Variants in NKAIN2 observed in about 807,000 individuals in gnomAD.
NKAIN2 encodes sodium/potassium transporting ATPase interacting 2.
NKAIN2 carries 14 observed loss-of-function variants against 32.6 expected under a neutral mutation model. The observed-to-expected ratio is 0.43, with a 90% CI of 0.28 to 0.67. The LOEUF (loss-of-function observed/expected upper bound fraction) is 0.67. Ranked by LOEUF, NKAIN2 falls within the 30% of genes least tolerant of loss-of-function variation. NKAIN2 has a pLI of 0.17. For missense variants in NKAIN2, 198 were observed against 258.3 expected (o/e 0.77, Z 1.60); for synonymous variants, 80 against 87.2 (o/e 0.92, Z 0.46).
chr6:124,099,579 CT>C (rs1264946479), intron 1 of NKAIN2, among the ~76,000 whole-genome samples: 4 of 152,072 alleles, frequency 2.6e-5, no homozygotes, highest in Non-Finnish European at 5.9e-5. Flanking sequence ...CAATAAATGG[CT>C]GTATTAAAGA....
chr6:124,667,487 A>G (rs1274434787), intron 4 of NKAIN2, among the ~76,000 whole-genome samples: 1 of 152,154 alleles, frequency 6.6e-6, no homozygotes, highest in Non-Finnish European at 1.5e-5. Context: ...ATTAAAATAC[A>G]GTATTTTTTG....
chr6:124,537,690 T>C (rs1779767514), intron 3 of NKAIN2, among the ~76,000 whole-genome samples: 1 of 152,146 alleles, frequency 6.6e-6, no homozygotes, highest in Non-Finnish European at 1.5e-5. Flanking sequence ...GGATTCTGCT[T>C]CCCTTTCATG....
intron 3 of NKAIN2, among the ~76,000 whole-genome samples, chr6:124,518,318 G>A (rs951020585): frequency 4.6e-5 from 7 of 150,656 alleles, no homozygotes; most frequent in Non-Finnish European, 8.9e-5. Flanking sequence ...GATAGAAAAG[G>A]AAAGCAAAAG....
chr6:123,944,507 T>C (rs1168360375), intron 1 of NKAIN2, among the ~76,000 whole-genome samples: 4 of 152,114 alleles, frequency 2.6e-5, no homozygotes, highest in African/African-American at 9.6e-5. Flanking sequence ...AATCATGTGC[T>C]CGTGTTTGGA....
chr6:124,775,753 G>A (rs1051663319), intron 4 of NKAIN2, among the ~76,000 whole-genome samples: 1 of 152,174 alleles, frequency 6.6e-6, no homozygotes, highest in Non-Finnish European at 1.5e-5. Context: ...TGATAACACT[G>A]CAAGGAGCTA....
intron 3 of NKAIN2, among the ~76,000 whole-genome samples, chr6:124,444,520 A>G (rs1197979521): frequency 1.3e-5 from 2 of 152,040 alleles, no homozygotes; most frequent in African/African-American, 2.4e-5. Context: ...CATTTTAGAG[A>G]AATAGGAGTA....
intron 3 of NKAIN2, among the ~76,000 whole-genome samples, chr6:124,453,929 T>G (rs1282705168): frequency 6.6e-6 from 1 of 152,040 alleles, no homozygotes; most frequent in Non-Finnish European, 1.5e-5. Flanking sequence ...AACGTATTGG[T>G]AATAAACTGA....
At chr6:124,570,217 A>G (rs1781074856) in intron 3 of NKAIN2, among the ~76,000 whole-genome samples, 1 of 152,210 alleles carries the variant, frequency 6.6e-6, no homozygotes, top group African/African-American at 2.4e-5. Flanking sequence ...TTAAAAGGGA[A>G]ACAGAGCATA....
At chr6:124,789,785 T>C (rs1779662216) in intron 4 of NKAIN2, among the ~76,000 whole-genome samples, 1 of 152,098 alleles carries the variant, frequency 6.6e-6, no homozygotes, top group Non-Finnish European at 1.5e-5. Context: ...ATCACTATCT[T>C]ATTGCCAATA....
chr6:124,609,558 T>G (rs1162512241), intron 3 of NKAIN2, among the ~76,000 whole-genome samples: 1 of 151,800 alleles, frequency 6.6e-6, no homozygotes, highest in Non-Finnish European at 1.5e-5. Flanking sequence ...GAGTAACGAG[T>G]GAAGATGATG....
chr6:124,629,898 T>TTGAA (rs1783497090), intron 3 of NKAIN2, among the ~76,000 whole-genome samples: 1 of 152,044 alleles, frequency 6.6e-6, no homozygotes, highest in African/African-American at 2.4e-5. Context: ...TAAACGGTTG[T>TTGAA]TGAATATATT....
intron 1 of NKAIN2, among the ~76,000 whole-genome samples, chr6:123,809,321 T>C (rs1386544204): frequency 1.5e-5 from 2 of 131,130 alleles, no homozygotes; most frequent in Admixed American, 1.6e-4. Flanking sequence ...GCCATCAAGA[T>C]ACAATGTATG....
chr6:124,209,600 A>T (rs1207896415), intron 1 of NKAIN2, among the ~76,000 whole-genome samples: 1 of 151,828 alleles, frequency 6.6e-6, no homozygotes, highest in East Asian at 1.9e-4. Context: ...CCCTTTCTCC[A>T]CATCCTCACC....
At position 124,497,174 on chromosome 6, in the gene NKAIN2, G is replaced by A. The variant is rs546210700; in HGVS notation, c.273+141827G>A. 1.1e-4 allele frequency among the ~76,000 whole-genome samples: 16 copies of A among 152,172 alleles called. No individual in the cohort carries two copies. The South Asian group carries it at 3.1e-3, about 30-fold the overall frequency. ...TTAATGCTCATTTAGCTTTGCTTTA[G>A]GAATTTTTGTACTAAAATACCTGGA... On this transcript the variant is annotated intron_variant, in intron 3 of 6. Transcript: ENST00000368417.
At chr6:124,387,790 T>G (rs1443361750) in intron 3 of NKAIN2, among the ~76,000 whole-genome samples, 1 of 152,098 alleles carries the variant, frequency 6.6e-6, no homozygotes, top group East Asian at 1.9e-4. Flanking sequence ...ATCTGTGCCT[T>G]GTATATCTCT....
intron 1 of NKAIN2, among the ~76,000 whole-genome samples, chr6:124,046,594 T>C (rs1340832233): frequency 2.6e-5 from 4 of 152,010 alleles, no homozygotes; most frequent in Non-Finnish European, 5.9e-5. Flanking sequence ...AATTAAGCAA[T>C]AAAGAGTTGA....
intron 2 of NKAIN2, among the ~76,000 whole-genome samples, chr6:124,344,047 T>C (rs1441404351): frequency 1.3e-5 from 2 of 152,196 alleles, no homozygotes; most frequent in Non-Finnish European, 2.9e-5. Flanking sequence ...GCTTTCTCCA[T>C]ATGGCTAGCC....
rs138002147 is a variant in NKAIN2 at position 124,197,821 on chromosome 6, G to A, written c.55-85184G>A. Among the ~76,000 whole-genome samples, 3 of 142,116 alleles carry A rather than the reference G, an allele frequency of 2.1e-5. No homozygotes were observed. In the East Asian group the frequency reaches 6.3e-4, roughly 30 times the overall value. The allele number at this position is 142,116 out of a possible 152,430, so 93.2% of individuals were successfully genotyped here. ...CCTCTGGGATTTTTCCTTTTTCAGA[G>A]TATAACCTGTGTCTGGTTTTTTTTT... On this transcript the variant is annotated intron_variant, in intron 1 of 6. Transcript: ENST00000368417.
At chr6:124,807,982 G>A (rs1006577263) in intron 5 of NKAIN2, among the ~76,000 whole-genome samples, 1 of 148,086 alleles carries the variant, frequency 6.8e-6, no homozygotes, top group Non-Finnish European at 1.5e-5. Flanking sequence ...TGAAATTGTG[G>A]CAATAATCAA....
Sources: allele counts gnomAD v4.1 joint callset (sites outside exome capture counted in the v4.1 genomes callset), GRCh38; gene constraint gnomAD v4.1.1; transcripts MANE v1.5; gene names NCBI Gene and HGNC (gene_info 2026-07-23, HGNC 2026-07-21).